The following PNLIPRP3 variants were observed in gnomAD, a reference collection of about 807,000 sequenced individuals.
The protein encoded by PNLIPRP3 is pancreatic lipase related protein 3.
PNLIPRP3 carries 58 observed loss-of-function variants against 52.8 expected under a neutral mutation model. That is an observed-to-expected ratio of 1.10 (90% CI 0.89 to 1.37). The LOEUF is 1.37. Ranked by LOEUF, PNLIPRP3 falls within the 40% of genes most tolerant of loss-of-function variation. The probability of loss-of-function intolerance (pLI) is 0.00; values close to 1 mark genes in which losing one functional copy is unlikely to be tolerated. For synonymous variants in PNLIPRP3, 192 were observed against 185.0 expected (o/e 1.04, Z -0.31); for missense variants, 593 against 561.6 (o/e 1.06, Z -0.57).
At chr10:116,434,818 A>G (rs1564692008) in intron 1 of PNLIPRP3, among the ~76,000 whole-genome samples, 1 of 152,214 alleles carries the variant, frequency 6.6e-6, no homozygotes, top group Non-Finnish European at 1.5e-5. Flanking sequence ...CAAATTAGAA[A>G]AGGATCAGAA....
intron 1 of PNLIPRP3, among the ~76,000 whole-genome samples, chr10:116,432,449 A>T (rs1222811982): frequency 6.6e-6 from 1 of 152,216 alleles, no homozygotes; most frequent in African/African-American, 2.4e-5. Context: ...ATATATTAAA[A>T]TACAATGACT....
At chr10:116,473,464 C>G (rs1043768495) in intron 10 of PNLIPRP3, among the ~76,000 whole-genome samples, 1 of 152,148 alleles carries the variant, frequency 6.6e-6, no homozygotes, top group African/African-American at 2.4e-5. Context: ...TATATTTTTA[C>G]TTGTGCAACT....
chr10:116,453,866 C>T (rs1161924220), intron 4 of PNLIPRP3, among the ~76,000 whole-genome samples: 1 of 152,002 alleles, frequency 6.6e-6, no homozygotes, highest in East Asian at 1.9e-4. Flanking sequence ...TTTGCTGCAC[C>T]TATCAACCCA....
chr10:116,450,051 T>C (rs1846012680), intron 4 of PNLIPRP3, among the ~76,000 whole-genome samples: 1 of 151,716 alleles, frequency 6.6e-6, no homozygotes, highest in Non-Finnish European at 1.5e-5. Context: ...ATTAGACAAA[T>C]GAAAACAAAA....
intron 9 of PNLIPRP3, 54 bp from the exon 10 acceptor site, chr10:116,471,714 C>A (rs546729185): frequency 7.5e-7 from 1 of 1,337,998 alleles, no homozygotes; most frequent in East Asian, 2.3e-5. Context: ...AGTCATACTT[C>A]CCATGTGTTT....
At chr10:116,447,392 T>C (rs1415412578) in intron 4 of PNLIPRP3, among the ~76,000 whole-genome samples, 1 of 152,198 alleles carries the variant, frequency 6.6e-6, no homozygotes, top group Non-Finnish European at 1.5e-5. Context: ...TTTTTTCTAA[T>C]GTGCAAATAC....
intron 10 of PNLIPRP3, 62 bp downstream of exon 10, chr10:116,471,941 A>T (rs1202009202): frequency 1.3e-5 from 13 of 980,420 alleles, no homozygotes; most frequent in Non-Finnish European, 2.0e-5. Flanking sequence ...ACTAAGTGAG[A>T]CTGGCTCAGT....
At chr10:116,467,657 T>C (rs548779004) in intron 8 of PNLIPRP3, among the ~76,000 whole-genome samples, 21 of 152,268 alleles carry the variant, frequency 1.4e-4, no homozygotes, top group African/African-American at 4.6e-4. Context: ...ATCAAATAAA[T>C]GCTTTCATAT....
chr10:116,476,437 C>T (rs1308390878), intron 10 of PNLIPRP3, among the ~76,000 whole-genome samples: 2 of 152,182 alleles, frequency 1.3e-5, no homozygotes, highest in African/African-American at 4.8e-5. Context: ...TAAAAATCAC[C>T]TAGCCAAGCT....
intron 3 of PNLIPRP3, among the ~76,000 whole-genome samples, chr10:116,443,802 CAT>C (rs1200044232): frequency 0.059 from 767 of 12,992 alleles, 6 homozygotes; most frequent in African/African-American, 0.078. Context: ...TGTGTGTGTG[CAT>C]ATATATATAT....
intron 2 of PNLIPRP3, chr10:116,439,989 G>A (rs938041901): frequency 1.8e-5 from 14 of 786,610 alleles, no homozygotes; most frequent in African/African-American, 1.5e-4. Context: ...ACGTCTGCAC[G>A]AAGAAGGCAT....
intron 3 of PNLIPRP3, among the ~76,000 whole-genome samples, chr10:116,443,592 G>A (rs1439445701): frequency 1.4e-5 from 2 of 143,818 alleles, no homozygotes; most frequent in African/African-American, 5.1e-5. Context: ...CTCACGGAGT[G>A]AGAATTAAAT....
intron 7 of PNLIPRP3, among the ~76,000 whole-genome samples, chr10:116,465,786 GTA>G (rs1246422840): frequency 6.6e-6 from 1 of 152,192 alleles, no homozygotes; most frequent in Non-Finnish European, 1.5e-5. Context: ...AAGTGACTCA[GTA>G]TATTTGTGTC....
chr10:116,476,924 C>T, intron 11 of PNLIPRP3, 105 bp downstream of exon 11: 1 of 1,304,710 alleles, frequency 7.7e-7, no homozygotes, highest in East Asian at 2.5e-5. Flanking sequence ...AATTTATAGA[C>T]TTTGAAATTT....
At chr10:116,443,264 G>T in intron 3 of PNLIPRP3, 90 bp downstream of exon 3, 1 of 1,302,590 alleles carries the variant, frequency 7.7e-7, no homozygotes, top group Non-Finnish European at 1.0e-6. Context: ...GTATATTCAT[G>T]GAAATCTTCC....
intron 2 of PNLIPRP3, among the ~76,000 whole-genome samples, chr10:116,438,013 A>T (rs1845802278): frequency 6.6e-6 from 1 of 152,200 alleles, no homozygotes; most frequent in East Asian, 1.9e-4. Flanking sequence ...GAAAATCAAC[A>T]TGATAGACAT....
At chr10:116,459,055 C>A (rs549059646) in intron 5 of PNLIPRP3, among the ~76,000 whole-genome samples, 1 of 152,100 alleles carries the variant, frequency 6.6e-6, no homozygotes, top group East Asian at 1.9e-4. Context: ...TCCCAGTGGA[C>A]CCCTCCCGCC....
chr10:116,441,101 C>T (rs922492271), intron 2 of PNLIPRP3, among the ~76,000 whole-genome samples: 23 of 152,124 alleles, frequency 1.5e-4, no homozygotes, highest in African/African-American at 5.6e-4. Context: ...CTTTTGATCC[C>T]ATGATGGTGT....
At chr10:116,465,543 A>C (rs1043260932) in intron 7 of PNLIPRP3, among the ~76,000 whole-genome samples, 1 of 150,044 alleles carries the variant, frequency 6.7e-6, no homozygotes, top group East Asian at 2.0e-4. Context: ...TAAAAAAAAA[A>C]CAAAACAAAC....
Sources: gnomAD v4.1 joint callset for allele counts (sites outside exome capture counted in the v4.1 genomes callset) on GRCh38, gnomAD v4.1.1 for gene constraint, MANE v1.5 for transcripts, NCBI Gene and HGNC (gene_info 2026-07-23, HGNC 2026-07-21) for gene names.